The following THSD7B variants were observed in gnomAD, a reference collection of about 807,000 sequenced individuals.
THSD7B encodes the protein thrombospondin type-1 domain-containing protein 7B.
Under a neutral mutation model 213.6 loss-of-function variants are expected in THSD7B, and 138 were observed. The observed-to-expected ratio is 0.65, with a 90% CI of 0.56 to 0.74. THSD7B has a LOEUF of 0.74. Ranked by LOEUF, THSD7B falls within the 30% of genes least tolerant of loss-of-function variation. THSD7B has a pLI of 0.00. For missense variants in THSD7B, 1,931 were observed against 1,991.5 expected (o/e 0.97, Z 0.58); for synonymous variants, 742 against 687.0 (o/e 1.08, Z -1.25).
At chr2:137,326,725 G>A (rs6430709) in intron 12 of THSD7B, among the ~76,000 whole-genome samples, 1 of 151,938 alleles carries the variant, frequency 6.6e-6, no homozygotes, top group African/African-American at 2.4e-5. Flanking sequence ...AATAGAAGAT[G>A]CTGGAATGAA....
At chr2:137,347,027 T>C (rs893462092) in intron 12 of THSD7B, among the ~76,000 whole-genome samples, 2 of 151,684 alleles carry the variant, frequency 1.3e-5, no homozygotes, top group African/African-American at 4.8e-5. Context: ...TGCTGCACCA[T>C]TGCAACCCCA....
intron 2 of THSD7B, among the ~76,000 whole-genome samples, chr2:137,049,550 T>C (rs142771479): frequency 6.6e-6 from 1 of 152,300 alleles, no homozygotes; most frequent in East Asian, 1.9e-4. Flanking sequence ...TAATAAACCA[T>C]GCCTATTACT....
chr2:137,213,741 G>T (rs1681173273), intron 7 of THSD7B, among the ~76,000 whole-genome samples: 1 of 151,948 alleles, frequency 6.6e-6, no homozygotes, highest in Admixed American at 6.6e-5. Flanking sequence ...TGAAATCTCA[G>T]CCAGCTTTAG....
intron 2 of THSD7B, among the ~76,000 whole-genome samples, chr2:137,004,290 CACACGT>C (rs1553463939): frequency 1.6e-5 from 2 of 126,992 alleles, no homozygotes; most frequent in East Asian, 5.1e-4. Flanking sequence ...AGTGTGTGTG[CACACGT>C]ACACACACAC....
intron 15 of THSD7B, among the ~76,000 whole-genome samples, chr2:137,509,713 CAA>C (rs1392316028): frequency 6.6e-6 from 1 of 152,098 alleles, no homozygotes; most frequent in Non-Finnish European, 1.5e-5. Flanking sequence ...TGGCTACTAC[CAA>C]AAGTTTTAGA....
intron 15 of THSD7B, among the ~76,000 whole-genome samples, chr2:137,491,366 C>A (rs1262235917): frequency 6.6e-6 from 1 of 152,118 alleles, no homozygotes; most frequent in Non-Finnish European, 1.5e-5. Flanking sequence ...GTGTGGCCAA[C>A]GTTTTTGATG....
At chr2:137,671,107 C>A (rs2044435) in intron 27 of THSD7B, among the ~76,000 whole-genome samples, 143,324 of 152,054 alleles carry the variant, frequency 0.94, 67,684 homozygotes, top group East Asian at 0.98. Context: ...AAGTTGTTTG[C>A]GATACAGCAC....
At chr2:137,457,199 C>T (rs1160196330) in intron 15 of THSD7B, among the ~76,000 whole-genome samples, 2 of 152,170 alleles carry the variant, frequency 1.3e-5, no homozygotes, top group South Asian at 2.1e-4. Context: ...ATTATTCTTG[C>T]GAGCTGTCAG....
At position 137,361,572 on chromosome 2, in the gene THSD7B, A is replaced by G. The variant is rs552804806; in HGVS notation, c.2501-44041A>G. On this transcript the variant is annotated intron_variant, in intron 12 of 27. Coordinates refer to ENST00000409968, the MANE Select transcript of THSD7B (RefSeq NM_001316349.2). ...TGGAGCTGAAAACCGTGGCACGAGA[A>G]CTACATGATGCATGCACAAGCTTCA... Among the ~76,000 whole-genome samples the G allele has an allele frequency of 1.9e-3, 293 of 152,302 alleles. 1 individual carries two copies. Among genetic ancestry groups the G allele is most frequent in the Non-Finnish European group, 2.7e-3 (187 of 68,030 alleles).
chr2:137,448,267 A>G (rs2105062319), intron 14 of THSD7B, among the ~76,000 whole-genome samples: 1 of 152,338 alleles, frequency 6.6e-6, no homozygotes, highest in Middle Eastern at 3.4e-3. Flanking sequence ...CTAAGTCTGA[A>G]GTTTTTCCAG....
intron 4 of THSD7B, among the ~76,000 whole-genome samples, chr2:137,099,617 C>G (rs1045655991): frequency 1.3e-5 from 2 of 152,176 alleles, no homozygotes; most frequent in Non-Finnish European, 2.9e-5. Flanking sequence ...CCAGCAACTC[C>G]TACGACCCCA....
chr2:137,647,460 A>T (rs1439417118), intron 21 of THSD7B, among the ~76,000 whole-genome samples: 34 of 14,014 alleles, frequency 2.4e-3, no homozygotes, highest in African/African-American at 7.8e-3. Context: ...CCCCGCCCCC[A>T]CTCTCTCACT....
intron 3 of THSD7B, among the ~76,000 whole-genome samples, chr2:137,088,206 C>G (rs1467952501): frequency 6.6e-6 from 1 of 151,738 alleles, no homozygotes; most frequent in Non-Finnish European, 1.5e-5. Context: ...CACCACTGCA[C>G]TCCAGCCTGG....
chr2:137,415,575 G>A (rs556483521), intron 14 of THSD7B, among the ~76,000 whole-genome samples: 16 of 151,810 alleles, frequency 1.1e-4, no homozygotes, highest in African/African-American at 3.9e-4. Flanking sequence ...GTCCAATGAA[G>A]GGACTACCTA....
intron 15 of THSD7B, among the ~76,000 whole-genome samples, chr2:137,517,510 T>C (rs1680093408): frequency 6.6e-6 from 1 of 152,228 alleles, no homozygotes; most frequent in South Asian, 2.1e-4. Flanking sequence ...TGGTCCCTCC[T>C]ACAACTAAGA....
chr2:137,424,210 T>C (rs1052573479), intron 14 of THSD7B, among the ~76,000 whole-genome samples: 3 of 152,138 alleles, frequency 2.0e-5, no homozygotes, highest in Admixed American at 6.5e-5. Context: ...AAAAAAATTA[T>C]AAAAAAACTT....
At chr2:137,303,710 A>T (rs1683667030) in intron 12 of THSD7B, among the ~76,000 whole-genome samples, 1 of 139,892 alleles carries the variant, frequency 7.1e-6, no homozygotes, top group African/African-American at 2.7e-5. Context: ...ATATTTATAT[A>T]TATATTTATA....
chr2:137,456,556 A>T (rs1209484188), intron 15 of THSD7B, among the ~76,000 whole-genome samples: 3 of 152,200 alleles, frequency 2.0e-5, no homozygotes, highest in Non-Finnish European at 4.4e-5. Context: ...ACTGCTGCTC[A>T]CTTTGGACGT....
At chr2:137,191,917 G>C (rs902606319) in intron 7 of THSD7B, among the ~76,000 whole-genome samples, 2 of 151,994 alleles carry the variant, frequency 1.3e-5, no homozygotes, top group Non-Finnish European at 2.9e-5. Flanking sequence ...AAGCCACCTC[G>C]ATTTCTTTAA....
Sources: allele counts gnomAD v4.1 joint callset (sites outside exome capture counted in the v4.1 genomes callset), GRCh38; gene constraint gnomAD v4.1.1; transcripts MANE v1.5; gene names NCBI Gene and HGNC (gene_info 2026-07-23, HGNC 2026-07-21).